RARB: variants seen among roughly 807,000 people sequenced by gnomAD.
The protein encoded by RARB is retinoic acid receptor beta.
Under a neutral mutation model 51.9 loss-of-function variants are expected in RARB, and 17 were observed. The ratio of observed to expected loss-of-function variants is 0.33; its 90% CI spans 0.22 to 0.49. RARB has a LOEUF of 0.49. Ranked by LOEUF, RARB falls within the 20% of genes least tolerant of loss-of-function variation. The pLI, the probability that RARB is intolerant of heterozygous loss-of-function variation, is 0.99. For missense variants in RARB, 369 were observed against 550.8 expected, an observed-to-expected ratio of 0.67 and a Z score of 3.30; for synonymous variants, 215 against 195.4, an observed-to-expected ratio of 1.10 and a Z score of -0.84.
rs145519946 is a variant in RARB, at chr3:25,194,288, A to G, written c.178+19713A>G. The stretch of plus-strand genomic sequence containing the variant: ...GAAGGCAGACTTGTAGTTGTGTAGC[A>G]TGAATAAGCCTAGAGAACTAATGTA... On this transcript the variant is annotated intron_variant, in intron 5 of 11. Coordinates refer to the RARB transcript ENST00000383772. Among the ~76,000 whole-genome samples the G allele has an allele frequency of 4.0e-3, 613 of 151,936 alleles. 10 individuals carry two copies. Among genetic ancestry groups the G allele is most frequent in the East Asian group, 3.7e-3 (19 of 5,156 alleles).
At chr3:25,351,976 A>T (rs1446898376) in intron 5 of RARB, among the ~76,000 whole-genome samples, 1 of 152,204 alleles carries the variant, frequency 6.6e-6, no homozygotes, top group African/African-American at 2.4e-5. Flanking sequence ...CTAGAATATC[A>T]AATGTGTTTT....
At chr3:25,199,036 C>T (rs996021051) in intron 5 of RARB, among the ~76,000 whole-genome samples, 23 of 152,180 alleles carry the variant, frequency 1.5e-4, no homozygotes, top group Admixed American at 9.8e-4. Context: ...GATTTGGTGG[C>T]GACCTAAGTG....
intron 2 of RARB, among the ~76,000 whole-genome samples, chr3:24,889,007 T>C (rs1396274049): frequency 6.6e-6 from 1 of 152,186 alleles, no homozygotes; most frequent in Non-Finnish European, 1.5e-5. Flanking sequence ...CCTTCTTTAA[T>C]TGGATAATAG....
chr3:25,472,445 G>C (rs978435637), intron 2 of RARB, among the ~76,000 whole-genome samples: 2 of 152,210 alleles, frequency 1.3e-5, no homozygotes, highest in South Asian at 4.1e-4. Flanking sequence ...CTCAGGTACA[G>C]ACCTACTTTT....
Position 24,912,972 on chromosome 3 carries a change from A to ATTTTTTTTTTTTTTTTTTTTTT in RARB, c.-380+54222_-380+54223insTTTTTTTTTTTTTTTTTTTTTT, listed in dbSNP as rs71622787. 6.1e-4 allele frequency among the ~76,000 whole-genome samples: 35 copies of ATTTTTTTTTTTTTTTTTTTTTT among 57,642 alleles called. 1 individual carries two copies. The highest frequency in any genetic ancestry group is 1.4e-3 in the South Asian group (2 of 1,434). The allele number at this position is 57,642 out of a possible 152,430, so 37.8% of individuals were successfully genotyped here. ...GTGGCAATACGCACACAAGGTACTG[A>ATTTTTTTTTTTTTTTTTTTTTT]TTCTTTTTTTTTTTTTTTTTTTTTT... On this transcript the variant is annotated intron_variant, in intron 2 of 11. Transcript: ENST00000383772.
intron 2 of RARB, among the ~76,000 whole-genome samples, chr3:24,935,049 A>G (rs1695521394): frequency 6.6e-6 from 1 of 152,146 alleles, no homozygotes; most frequent in African/African-American, 2.4e-5. Flanking sequence ...CTATGATTGC[A>G]TTAACGTATG....
chr3:25,051,825 G>C (rs1317513044), intron 2 of RARB, among the ~76,000 whole-genome samples: 1 of 152,150 alleles, frequency 6.6e-6, no homozygotes. Flanking sequence ...TTCTATGCTT[G>C]AAGGGAGGAA....
At chr3:25,163,244 C>T (rs1700501779) in intron 4 of RARB, among the ~76,000 whole-genome samples, 1 of 152,126 alleles carries the variant, frequency 6.6e-6, no homozygotes, top group Admixed American at 6.5e-5. Flanking sequence ...TGGCTCACGC[C>T]TATGATCCCG....
rs368456070 is a variant in RARB at position 25,330,792 on chromosome 3, A to G, written c.179-130401A>G. ...CCATCTCACGTGCAGAGACACACAT[A>G]GGCTCAAAATAAAGGGATGGAGGAG... On this transcript the variant is annotated intron_variant, in intron 5 of 11. Coordinates refer to the RARB transcript ENST00000383772. 3.2e-4 allele frequency among the ~76,000 whole-genome samples: 49 copies of G among 152,338 alleles called. 1 individual carries two copies. The South Asian group carries it at 9.7e-3, about 30-fold the overall frequency.
chr3:25,298,647 T>A (rs1297329607), intron 5 of RARB, among the ~76,000 whole-genome samples: 1 of 152,194 alleles, frequency 6.6e-6, no homozygotes, highest in East Asian at 1.9e-4. Flanking sequence ...ATCTTCCTCC[T>A]CTGTCTTGTA....
At chr3:24,918,990 T>A (rs1273151439) in intron 2 of RARB, among the ~76,000 whole-genome samples, 11 of 152,186 alleles carry the variant, frequency 7.2e-5, no homozygotes, top group Non-Finnish European at 1.5e-4. Context: ...ACAGTATGAT[T>A]TCCTTCATCC....
chr3:25,092,135 T>C (rs1016982599), intron 3 of RARB, among the ~76,000 whole-genome samples: 2 of 152,184 alleles, frequency 1.3e-5, no homozygotes, highest in Admixed American at 1.3e-4. Context: ...TCCAGAAATC[T>C]GCTGACGAGG....
intron 2 of RARB, among the ~76,000 whole-genome samples, chr3:24,865,386 T>C (rs1248355847): frequency 6.6e-6 from 1 of 152,154 alleles, no homozygotes; most frequent in Non-Finnish European, 1.5e-5. Flanking sequence ...CTGTATTTTT[T>C]TTATGCCAAG....
intron 5 of RARB, among the ~76,000 whole-genome samples, chr3:25,301,419 G>A (rs1172338570): frequency 2.0e-5 from 3 of 148,214 alleles, no homozygotes; most frequent in Non-Finnish European, 4.5e-5. Flanking sequence ...GAGGTATGGA[G>A]TTACTCACAG....
intron 2 of RARB, among the ~76,000 whole-genome samples, chr3:24,939,232 G>A (rs1313181474): frequency 1.3e-5 from 2 of 151,976 alleles, no homozygotes; most frequent in Non-Finnish European, 2.9e-5. Flanking sequence ...GATCTGAATG[G>A]GTGTTTAATT....
At chr3:24,990,161 CT>C (rs1254070475) in intron 2 of RARB, among the ~76,000 whole-genome samples, 1 of 100,286 alleles carries the variant, frequency 1.0e-5, no homozygotes, top group Non-Finnish European at 2.0e-5. Context: ...TGTTTATTTT[CT>C]TTTTTTCTTC....
At chr3:25,136,191 G>A (rs945632056) in intron 4 of RARB, among the ~76,000 whole-genome samples, 5 of 151,912 alleles carry the variant, frequency 3.3e-5, no homozygotes, top group African/African-American at 1.2e-4. Context: ...CCCTTGACAG[G>A]CATATGTCAT....
In RARB at chr3:25,581,741, C is replaced by T. The variant is rs555100516; in HGVS notation, c.786+1019C>T. Among the ~76,000 whole-genome samples the T allele has an allele frequency of 2.1e-3, 322 of 152,210 alleles. 1 individual carries two copies. Among genetic ancestry groups the T allele is most frequent in the African/African-American group, 7.6e-3 (316 of 41,530 alleles). On this transcript the variant is annotated intron_variant, in intron 5 of 7. Transcript: ENST00000330688. Reference sequence around the variant, plus strand: ...GTGGAGCCCCAAGATGGAATCAGTGCCCTTATGAGGAGATGAAGCCACCAG... The same window carrying T: ...GTGGAGCCCCAAGATGGAATCAGTGTCCTTATGAGGAGATGAAGCCACCAG...
intron 5 of RARB, among the ~76,000 whole-genome samples, chr3:25,258,213 T>TAGAA (rs1702913930): frequency 6.6e-6 from 1 of 152,108 alleles, no homozygotes; most frequent in Non-Finnish European, 1.5e-5. Flanking sequence ...TCCATGTTTC[T>TAGAA]ATGTGGCACT....
Sources: gnomAD v4.1 joint callset for allele counts (sites outside exome capture counted in the v4.1 genomes callset) on GRCh38, gnomAD v4.1.1 for gene constraint, MANE v1.5 for transcripts, NCBI Gene and HGNC (gene_info 2026-07-23, HGNC 2026-07-21) for gene names.